The following SUMF1 variants were observed in gnomAD, a reference collection of about 807,000 sequenced individuals.
The protein encoded by SUMF1 is formylglycine-generating enzyme.
A neutral mutation model predicts 47.6 loss-of-function variants in SUMF1; 48 were observed. That is an observed-to-expected ratio of 1.01 (90% confidence interval 0.80 to 1.28). The LOEUF (loss-of-function observed/expected upper bound fraction) is 1.28. Among genes scored for constraint, SUMF1 ranks in the 50% most tolerant of loss-of-function variants. The pLI is 0.00. For missense variants in SUMF1, 571 were observed against 485.4 expected (o/e 1.18, Z -1.66); for synonymous variants, 230 against 192.1 (o/e 1.20, Z -1.63).
chr3:4,253,924 G>A lies in SUMF1; in HGVS notation c.1014+122406C>T, dbSNP rs372249361. On this transcript the variant is annotated intron_variant and NMD_transcript_variant, in intron 8 of 12. Coordinates refer to the SUMF1 transcript ENST00000448413. ...CACGCAGCTGGAGATCTGAGAACTG[G>A]CAGACTGCCTCCTCAAGTGGGTCCC... 2.0e-5 allele frequency among the ~76,000 whole-genome samples: 3 copies of A among 150,398 alleles called. No homozygotes were observed. The East Asian group carries it at 5.9e-4, about 29-fold the overall frequency.
At chr3:4,107,287 G>A (rs1430925948) in intron 8 of SUMF1, among the ~76,000 whole-genome samples, 2 of 152,150 alleles carry the variant, frequency 1.3e-5, no homozygotes, top group African/African-American at 4.8e-5. Context: ...GGAGAGCTGT[G>A]CACAGAGTTA....
chr3:4,266,181 T>A (rs1229773136), intron 8 of SUMF1, among the ~76,000 whole-genome samples: 2 of 152,218 alleles, frequency 1.3e-5, no homozygotes, highest in African/African-American at 4.8e-5. Context: ...CCAGCTTTGT[T>A]CTTTTGGCTT....
intron 8 of SUMF1, among the ~76,000 whole-genome samples, chr3:4,169,013 G>A (rs552504091): frequency 1.3e-5 from 2 of 152,110 alleles, no homozygotes; most frequent in African/African-American, 4.8e-5. Flanking sequence ...TGCTGTACAA[G>A]TAATAATATT....
chr3:4,206,585 G>C (rs1695658063), intron 8 of SUMF1, among the ~76,000 whole-genome samples: 1 of 152,150 alleles, frequency 6.6e-6, no homozygotes, highest in Admixed American at 6.5e-5. Flanking sequence ...GATGTGGCAA[G>C]GGTGTTGGAG....
intron 8 of SUMF1, among the ~76,000 whole-genome samples, chr3:4,269,416 G>C (rs1374922624): frequency 1.3e-5 from 2 of 152,108 alleles, no homozygotes; most frequent in East Asian, 3.8e-4. Context: ...GCCTATAATA[G>C]CATTCCAATT....
At chr3:4,235,963 G>A (rs780772313) in intron 8 of SUMF1, among the ~76,000 whole-genome samples, 9 of 151,924 alleles carry the variant, frequency 5.9e-5, no homozygotes, top group Admixed American at 5.3e-4. Context: ...ATTTTTTTGA[G>A]ACAGGGTCTG....
At chr3:4,313,021 G>A in intron 8 of SUMF1, 1 of 1,613,978 alleles carries the variant, frequency 6.2e-7, no homozygotes. Flanking sequence ...CCGCCATGGA[G>A]AGAACTATGA....
In SUMF1 at chr3:4,332,568, G is replaced by A. The variant is rs562710342; in HGVS notation, c.1014+43762C>T. ...ATGGTAAATGTTTCTAGTGTATACC[G>A]GCAGACACCCTTACAAAATGGGAAT... On this transcript the variant is annotated intron_variant and NMD_transcript_variant, in intron 8 of 12. Coordinates refer to the SUMF1 transcript ENST00000448413. Among the ~76,000 whole-genome samples the A allele has an allele frequency of 1.4e-3, 208 of 152,110 alleles. 1 individual carries two copies. Among genetic ancestry groups the A allele is most frequent in the Non-Finnish European group, 2.1e-3 (144 of 68,024 alleles).
intron 8 of SUMF1, among the ~76,000 whole-genome samples, chr3:4,187,346 G>C (rs377526815): frequency 6.6e-6 from 1 of 152,220 alleles, no homozygotes; most frequent in South Asian, 2.1e-4. Context: ...CCCAGCCTGG[G>C]AGACAGAGTG....
At chr3:4,321,764 A>G (rs961400673) in intron 8 of SUMF1, among the ~76,000 whole-genome samples, 2 of 152,162 alleles carry the variant, frequency 1.3e-5, no homozygotes, top group African/African-American at 4.8e-5. Context: ...GGGACCATAA[A>G]TTCCTACTCC....
At chr3:4,173,429 G>T (rs1278864875) in intron 8 of SUMF1, among the ~76,000 whole-genome samples, 1 of 152,192 alleles carries the variant, frequency 6.6e-6, no homozygotes, top group Non-Finnish European at 1.5e-5. Context: ...TACACTGTGG[G>T]TGGGAGTGTA....
At chr3:4,316,888 T>TG in intron 8 of SUMF1, 2 of 1,549,362 alleles carry the variant, frequency 1.3e-6, no homozygotes, top group Non-Finnish European at 1.7e-6. Context: ...ATCGATGAGA[T>TG]GAACCAAAAA....
intron 8 of SUMF1, among the ~76,000 whole-genome samples, chr3:4,110,544 G>A (rs1410246799): frequency 4.6e-5 from 7 of 151,972 alleles, no homozygotes; most frequent in African/African-American, 9.7e-5. Flanking sequence ...ACATGCACAC[G>A]TATGTTTATA....
intron 8 of SUMF1, chr3:4,313,402 T>C (rs771637117): frequency 2.5e-6 from 4 of 1,613,920 alleles, no homozygotes; most frequent in Admixed American, 1.7e-5. Context: ...TATTGGAAGA[T>C]TCCTTAATCA....
intron 8 of SUMF1, among the ~76,000 whole-genome samples, chr3:4,230,661 T>C (rs984221439): frequency 1.3e-5 from 2 of 152,098 alleles, no homozygotes; most frequent in Non-Finnish European, 2.9e-5. Context: ...CATTGCCCGC[T>C]GGTGATTAGC....
At chr3:4,353,032 T>C (rs1276485718) in intron 8 of SUMF1, among the ~76,000 whole-genome samples, 1 of 152,196 alleles carries the variant, frequency 6.6e-6, no homozygotes, top group Non-Finnish European at 1.5e-5. Context: ...TCAGGATCCC[T>C]TTACACTCCT....
intron 8 of SUMF1, chr3:4,303,612 C>T (rs1698045174): frequency 7.3e-7 from 1 of 1,377,460 alleles, no homozygotes; most frequent in South Asian, 1.7e-5. Context: ...GACGGCCTCC[C>T]AGTCGCGACC....
rs922827692 is a variant in SUMF1, at chr3:4,226,135, C to G, written c.1014+150195G>C. 4.6e-5 allele frequency among the ~76,000 whole-genome samples: 7 copies of G among 152,074 alleles called. No individual in the cohort carries two copies. In the South Asian group the frequency reaches 1.0e-3, roughly 23 times the overall value. On this transcript the variant is annotated intron_variant and NMD_transcript_variant, in intron 8 of 12. Coordinates refer to the SUMF1 transcript ENST00000448413. Reference sequence around the variant, plus strand: ...GCCATTTATAAGCAATAATAGTAAGCATTCAATAAATTGTATGCGCTGAAT... The same window carrying G: ...GCCATTTATAAGCAATAATAGTAAGGATTCAATAAATTGTATGCGCTGAAT...
chr3:4,199,713 C>G (rs1695502246), intron 8 of SUMF1, among the ~76,000 whole-genome samples: 1 of 152,046 alleles, frequency 6.6e-6, no homozygotes, highest in South Asian at 2.1e-4. Context: ...TCTCATTTCC[C>G]TAATGACTAA....
Sources: gnomAD v4.1 joint callset for allele counts (sites outside exome capture counted in the v4.1 genomes callset) on GRCh38, gnomAD v4.1.1 for gene constraint, MANE v1.5 for transcripts, NCBI Gene and HGNC (gene_info 2026-07-23, HGNC 2026-07-21) for gene names.